The following NLGN4X variants were observed in gnomAD, a reference collection of about 807,000 sequenced individuals.
NLGN4X encodes the protein neuroligin-4, X-linked.
A neutral mutation model predicts 40.3 loss-of-function variants in NLGN4X; 3 were observed. That is an observed-to-expected ratio of 0.07 (90% CI 0.03 to 0.19). NLGN4X has a LOEUF of 0.19. Among genes scored for constraint, NLGN4X ranks in the 10% least tolerant of loss-of-function variants. The probability of loss-of-function intolerance (pLI) is 1.00; values close to 1 mark genes in which losing one functional copy is unlikely to be tolerated. For missense variants in NLGN4X, 382 were observed against 708.3 expected, an observed-to-expected ratio of 0.54 and a Z score of 5.23; for synonymous variants, 270 against 306.8, an observed-to-expected ratio of 0.88 and a Z score of 1.25.
chrX:6,025,082 T>C lies in NLGN4X; in HGVS notation c.625+4198A>G, dbSNP rs1055893641. On this transcript the variant is annotated intron_variant, in intron 3 of 5. Transcript: ENST00000381095. The stretch of plus-strand genomic sequence containing the variant: ...TGACAAGGGTGTATAGCAGAACACA[T>C]AGGAAATCTGTTTATAGAAGTGCAG... Among the ~76,000 whole-genome samples, 5 of 111,432 alleles carry C rather than the reference T, an allele frequency of 4.5e-5. No individual in the cohort carries two copies. In the South Asian group the frequency reaches 1.5e-3, roughly 34 times the overall value.
At chrX:6,200,007 C>A (rs1602411011) in intron 1 of NLGN4X, among the ~76,000 whole-genome samples, 1 of 112,095 alleles carries the variant, frequency 8.9e-6, no homozygotes, top group East Asian at 2.8e-4. Context: ...CTGCATATCT[C>A]AGAAAACTGT....
chrX:6,109,105 C>A (rs1452091179), intron 2 of NLGN4X, among the ~76,000 whole-genome samples: 1 of 110,820 alleles, frequency 9.0e-6, no homozygotes, highest in South Asian at 3.8e-4. Flanking sequence ...CTACAAAAAT[C>A]AAAATAAAAA....
At chrX:6,195,653 C>T (rs1453018952) in intron 1 of NLGN4X, among the ~76,000 whole-genome samples, 2 of 111,518 alleles carry the variant, frequency 1.8e-5, no homozygotes, top group African/African-American at 6.5e-5. Flanking sequence ...TTGTTCACAC[C>T]CTCCAATCAG....
At chrX:5,940,506 G>T (rs1475976622) in intron 3 of NLGN4X, among the ~76,000 whole-genome samples, 4 of 109,439 alleles carry the variant, frequency 3.7e-5, no homozygotes, top group African/African-American at 1.3e-4. Flanking sequence ...CCCCAGCCTT[G>T]TGAAGATCTG....
At chrX:5,995,008 G>A (rs768537158) in intron 3 of NLGN4X, among the ~76,000 whole-genome samples, 1 of 112,267 alleles carries the variant, frequency 8.9e-6, no homozygotes, top group Non-Finnish European at 1.9e-5. Context: ...TTTAAAATAC[G>A]TTTGAGAATA....
chrX:5,991,843 T>C (rs1391671311), intron 3 of NLGN4X, among the ~76,000 whole-genome samples: 1 of 111,922 alleles, frequency 8.9e-6, no homozygotes, highest in Non-Finnish European at 1.9e-5. Flanking sequence ...TTTAATTTCC[T>C]CATAGTGTCA....
chrX:6,112,685 GT>G (rs1371384215), intron 2 of NLGN4X, among the ~76,000 whole-genome samples: 10 of 108,641 alleles, frequency 9.2e-5, no homozygotes, highest in Admixed American at 4.0e-4. Flanking sequence ...CCGGGTTCAA[GT>G]GATTCTCCTG....
At chrX:6,144,803 C>T (rs187034413) in intron 2 of NLGN4X, among the ~76,000 whole-genome samples, 1 of 111,333 alleles carries the variant, frequency 9.0e-6, no homozygotes, top group African/African-American at 3.3e-5. Flanking sequence ...ATTCAATCGG[C>T]AACCTTAATT....
chrX:6,120,992 T>A (rs1185860468), intron 2 of NLGN4X, among the ~76,000 whole-genome samples: 1 of 112,032 alleles, frequency 8.9e-6, no homozygotes, highest in East Asian at 2.8e-4. Flanking sequence ...AGGTGCTGTA[T>A]CCTTTGTTAC....
chrX:6,227,857 A>G (rs998449629), intron 1 of NLGN4X: 1 of 103,561 alleles, frequency 9.7e-6, no homozygotes, highest in Admixed American at 1.0e-4. Context: ...TGCGACCCCA[A>G]CCAAGCCGGT....
intron 2 of NLGN4X, among the ~76,000 whole-genome samples, chrX:6,113,712 C>T (rs908416967): frequency 2.0e-5 from 2 of 101,569 alleles, no homozygotes; most frequent in Non-Finnish European, 4.1e-5. Flanking sequence ...AAAAAAAATG[C>T]ACGATACACA....
intron 2 of NLGN4X, among the ~76,000 whole-genome samples, chrX:6,048,046 G>T (rs1280986216): frequency 1.8e-5 from 2 of 111,735 alleles, no homozygotes; most frequent in Non-Finnish European, 3.8e-5. Context: ...AATTCCCGCT[G>T]TGCCCTGTCC....
At chrX:6,048,174 T>C (rs1009653390) in intron 2 of NLGN4X, among the ~76,000 whole-genome samples, 1 of 111,936 alleles carries the variant, frequency 8.9e-6, no homozygotes, top group Non-Finnish European at 1.9e-5. Context: ...TTCACTCACC[T>C]TAGAACTCTC....
chrX:6,039,544 A>G (rs1374428275), intron 2 of NLGN4X, among the ~76,000 whole-genome samples: 1 of 112,314 alleles, frequency 8.9e-6, no homozygotes, highest in African/African-American at 3.2e-5. Flanking sequence ...TTTTATCTTC[A>G]GTAGATACTG....
Position 6,079,206 on chromosome X carries a change from T to C in NLGN4X, c.473-49774A>G, listed in dbSNP as rs2038284034. Reference sequence around the variant, plus strand: ...GGGAATTGGGTTGGTTCCTCTCTTATACCACGGAAGGTGGCAAGTTGTTAA... The same window carrying C: ...GGGAATTGGGTTGGTTCCTCTCTTACACCACGGAAGGTGGCAAGTTGTTAA... On this transcript the variant is annotated intron_variant, in intron 2 of 5. Transcript: ENST00000381095. Among the ~76,000 whole-genome samples the C allele has an allele frequency of 4.5e-5, 5 of 111,813 alleles. No individual in the cohort carries two copies. In the South Asian group the frequency reaches 1.9e-3, roughly 42 times the overall value.
intron 1 of NLGN4X, among the ~76,000 whole-genome samples, chrX:6,181,298 C>T (rs945443859): frequency 6.3e-5 from 7 of 111,424 alleles, no homozygotes; most frequent in African/African-American, 9.8e-5. Flanking sequence ...GCTCATACCA[C>T]GGAACTAACA....
intron 2 of NLGN4X, among the ~76,000 whole-genome samples, chrX:6,133,122 CCAT>C (rs946964699): frequency 2.0e-5 from 2 of 101,080 alleles, no homozygotes; most frequent in Non-Finnish European, 4.1e-5. Context: ...ATCACCATCA[CCAT>C]CATCACCATC....
At chrX:5,918,551 G>C (rs1305098583) in intron 3 of NLGN4X, among the ~76,000 whole-genome samples, 4 of 112,038 alleles carry the variant, frequency 3.6e-5, no homozygotes, top group East Asian at 2.8e-4. Context: ...ATTGAGGAAG[G>C]GCAAATTATG....
chrX:5,925,879 CACATATATATATATATAT>C (rs1258018275), intron 3 of NLGN4X, among the ~76,000 whole-genome samples: 6,973 of 46,706 alleles, frequency 0.15, 780 homozygotes, highest in Non-Finnish European at 0.21. Context: ...TATACATACA[CACATATATATATATATAT>C]ATATATATAT....
Sources: allele counts gnomAD v4.1 joint callset (sites outside exome capture counted in the v4.1 genomes callset), GRCh38; gene constraint gnomAD v4.1.1; transcripts MANE v1.5; gene names NCBI Gene and HGNC (gene_info 2026-07-23, HGNC 2026-07-21).